CUBN: variants seen among roughly 807,000 people sequenced by gnomAD.
CUBN encodes 460 kDa receptor.
A neutral mutation model predicts 405.3 loss-of-function variants in CUBN; 282 were observed. The ratio of observed to expected loss-of-function variants is 0.70; its 90% confidence interval spans 0.63 to 0.77. CUBN has a LOEUF of 0.77. Among genes scored for constraint, CUBN ranks in the 30% least tolerant of loss-of-function variants. The probability of loss-of-function intolerance (pLI) is 0.00; values close to 1 mark genes in which losing one functional copy is unlikely to be tolerated. For synonymous variants in CUBN, 1,684 were observed against 1,617.0 expected, an observed-to-expected ratio of 1.04 and a Z score of -0.99; for missense variants, 4,514 against 4,475.2, an observed-to-expected ratio of 1.01 and a Z score of -0.25.
At chr10:17,122,705 A>G in intron 6 of CUBN, 90 bp downstream of exon 6, 1 of 789,304 alleles carries the variant, frequency 1.3e-6, no homozygotes, top group Non-Finnish European at 2.2e-6. Flanking sequence ...GGTGGAATAC[A>G]GATAGTTAAT....
chr10:17,085,062 A>T (rs1038622301), intron 16 of CUBN, among the ~76,000 whole-genome samples: 7 of 150,130 alleles, frequency 4.7e-5, no homozygotes, highest in South Asian at 2.1e-4. Flanking sequence ...AAAATCCTCC[A>T]CTTCCCTAAA....
intron 8 of CUBN, 133 bp from the exon 9 acceptor site, chr10:17,111,183 T>C: frequency 9.7e-7 from 1 of 1,033,430 alleles, no homozygotes; most frequent in East Asian, 2.6e-5. Flanking sequence ...GCTTATCAGA[T>C]TGGCAAAAGT....
chr10:17,076,482 CAA>C (rs79168650), intron 17 of CUBN, among the ~76,000 whole-genome samples: 77,128 of 137,592 alleles, frequency 0.56, 21,488 homozygotes, highest in East Asian at 0.81. Context: ...GCACCCCCAC[CAA>C]AAAAAAAAAA....
intron 19 of CUBN, among the ~76,000 whole-genome samples, chr10:17,069,534 C>G (rs1175115841): frequency 1.3e-5 from 2 of 151,944 alleles, no homozygotes; most frequent in African/African-American, 4.8e-5. Context: ...ATGGGTGTGT[C>G]CTTTTGTTTT....
At chr10:17,014,477 A>G (rs1249951408) in intron 28 of CUBN, among the ~76,000 whole-genome samples, 3 of 152,128 alleles carry the variant, frequency 2.0e-5, no homozygotes, top group Non-Finnish European at 4.4e-5. Flanking sequence ...GCAAAAGCCG[A>G]TGATTCCAAG....
chr10:16,985,808 T>A (rs1833401967), intron 29 of CUBN, among the ~76,000 whole-genome samples: 4 of 152,216 alleles, frequency 2.6e-5, no homozygotes, highest in African/African-American at 9.6e-5. Flanking sequence ...TCTAGATCTA[T>A]CACACATGAC....
chr10:17,052,222 T>C (rs925092137), intron 22 of CUBN, among the ~76,000 whole-genome samples: 1 of 152,142 alleles, frequency 6.6e-6, no homozygotes, highest in African/African-American at 2.4e-5. Flanking sequence ...GAGTGTAACA[T>C]TTTTAGACAA....
chr10:16,907,369 TTA>T, intron 49 of CUBN, 137 bp downstream of exon 49: 1 of 858,596 alleles, frequency 1.2e-6, no homozygotes. Flanking sequence ...TTTCATCTGC[TTA>T]TGTGTGTTTG....
At chr10:16,958,610 C>A (rs1843136211) in intron 31 of CUBN, among the ~76,000 whole-genome samples, 1 of 152,164 alleles carries the variant, frequency 6.6e-6, no homozygotes, top group African/African-American at 2.4e-5. Context: ...TATAATTTTA[C>A]AAGCTCCATC....
At chr10:17,060,413 G>A (rs915279110) in intron 22 of CUBN, among the ~76,000 whole-genome samples, 1 of 151,820 alleles carries the variant, frequency 6.6e-6, no homozygotes, top group Non-Finnish European at 1.5e-5. Context: ...AAGCCACCCT[G>A]CCTGGCCACA....
chr10:16,949,876 T>C (rs1377070184), intron 34 of CUBN, 125 bp downstream of exon 34: 6 of 742,454 alleles, frequency 8.1e-6, no homozygotes, highest in Non-Finnish European at 1.4e-5. Context: ...CATCTTTATT[T>C]GGCTTAGGCT....
At chr10:16,925,860 C>T in intron 41 of CUBN, 86 bp from the exon 42 acceptor site, 1 of 1,195,226 alleles carries the variant, frequency 8.4e-7, no homozygotes, top group Non-Finnish European at 1.2e-6. Context: ...GGGGGGTTTT[C>T]AAAGTGGAGG....
At position 17,052,653 on chromosome 10, in the gene CUBN, G is replaced by A. The variant is rs556221074; in HGVS notation, c.3140-5050C>T. 4.7e-5 allele frequency among the ~76,000 whole-genome samples: 7 copies of A among 150,408 alleles called. No homozygotes were observed. The East Asian group carries it at 9.9e-4, about 21-fold the overall frequency. The stretch of plus-strand genomic sequence containing the variant: ...TGCATGCCTGTAGTCCCAGCTACTC[G>A]GGAGGCTGAGGCACGAGAATTGCTG... On this transcript the variant is annotated intron_variant, in intron 22 of 66. Coordinates refer to ENST00000377833, the MANE Select transcript of CUBN (RefSeq NM_001081.4).
intron 8 of CUBN, among the ~76,000 whole-genome samples, chr10:17,112,211 A>C (rs35342322): frequency 0.15 from 23,086 of 152,086 alleles, 2,016 homozygotes; most frequent in Middle Eastern, 0.31. Context: ...TTTAAGTAGA[A>C]TCCTCTTCTA....
At position 17,100,119 on chromosome 10, in the gene CUBN, A is replaced by C; in HGVS notation, c.1651T>G (p.Ser551Ala). 1 of 1,613,874 alleles carries C rather than the reference A, an allele frequency of 6.2e-7. No homozygotes were observed. Among genetic ancestry groups the C allele is most frequent in the Non-Finnish European group, 8.5e-7 (1 of 1,179,798 alleles). ...SAFQLGRFCGSSLPHELLSSD... is the reference protein window; with the variant it reads ...SAFQLGRFCGASLPHELLSSD... ...CTGAGGAGTTCATGAGGGAGGCTGG[A>C]GCCACAAAATCTTCCAAGTTGAAAA... Residue 551 changes from serine to alanine, a missense_variant, in exon 14 of 67, where the codon TCC becomes GCC. By Grantham distance (99) the Ser-to-Ala change is moderately conservative (BLOSUM62 1). This residue lies in a region of CUBN where 1,448 missense variants were observed against 1,388.0 expected (regional missense o/e 1.04). Coordinates refer to ENST00000377833, the MANE Select transcript of CUBN (RefSeq NM_001081.4).
At chr10:16,925,849 TG>T in intron 41 of CUBN, 75 bp from the exon 42 acceptor site, 1 of 1,376,100 alleles carries the variant, frequency 7.3e-7, no homozygotes, top group Non-Finnish European at 1.0e-6. Context: ...TTAGTTTTCT[TG>T]GGGGGTTTTC....
intron 40 of CUBN, among the ~76,000 whole-genome samples, chr10:16,929,126 C>CT (rs1842296447): frequency 6.6e-6 from 1 of 151,906 alleles, no homozygotes; most frequent in South Asian, 2.1e-4. Context: ...TTAAACAAAA[C>CT]TTTTCATCTG....
chr10:17,060,096 CT>C (rs10709908), intron 22 of CUBN, among the ~76,000 whole-genome samples: 64,124 of 151,616 alleles, frequency 0.42, 16,173 homozygotes, highest in East Asian at 0.67. Context: ...AAATCCTATT[CT>C]CTTTAACAAT....
chr10:16,983,775 A>G (rs1330819121), intron 30 of CUBN, among the ~76,000 whole-genome samples: 3 of 152,234 alleles, frequency 2.0e-5, no homozygotes, highest in Non-Finnish European at 4.4e-5. Flanking sequence ...GATATTTGCC[A>G]AGAATCTAAA....
Sources: gnomAD v4.1 joint callset for allele counts (sites outside exome capture counted in the v4.1 genomes callset) on GRCh38, gnomAD v4.1.1 for gene constraint, gnomAD v4.1.1 regional missense constraint, MANE v1.5 for transcripts, NCBI Gene and HGNC (gene_info 2026-07-23, HGNC 2026-07-21) for gene names.